The following KCND2 variants were observed in gnomAD, a reference collection of about 807,000 sequenced individuals.
The protein encoded by KCND2 is A-type voltage-gated potassium channel KCND2.
In KCND2, 16 loss-of-function variants were observed where a neutral mutation model predicts 54.4. The ratio of observed to expected loss-of-function variants is 0.29; its 90% confidence interval spans 0.20 to 0.45. The LOEUF (loss-of-function observed/expected upper bound fraction) is 0.45. KCND2 is among the 20% of genes least tolerant of loss of function. KCND2 has a pLI of 1.00. For synonymous variants in KCND2, 317 were observed against 310.7 expected (o/e 1.02, Z -0.21); for missense variants, 486 against 824.2 (o/e 0.59, Z 5.02).
chr7:120,377,897 C>G (rs1377173619), intron 1 of KCND2, among the ~76,000 whole-genome samples: 1 of 151,898 alleles, frequency 6.6e-6, no homozygotes, highest in Non-Finnish European at 1.5e-5. Context: ...CATCAGCCAG[C>G]TTATATGTCC....
chr7:120,707,116 G>A (rs1277762333), intron 1 of KCND2, among the ~76,000 whole-genome samples: 1 of 152,038 alleles, frequency 6.6e-6, no homozygotes, highest in Non-Finnish European at 1.5e-5. Context: ...ATGACTATCA[G>A]GAGAGAACTT....
chr7:120,400,062 T>C (rs1321161314), intron 1 of KCND2, among the ~76,000 whole-genome samples: 1 of 152,148 alleles, frequency 6.6e-6, no homozygotes, highest in African/African-American at 2.4e-5. Context: ...TCAGTGACAT[T>C]GTGTCCATGA....
chr7:120,709,666 T>A (rs1388789279), intron 1 of KCND2, among the ~76,000 whole-genome samples: 3 of 152,188 alleles, frequency 2.0e-5, no homozygotes, highest in Non-Finnish European at 4.4e-5. Context: ...TGTTCATGTT[T>A]CTTTGAATGC....
At chr7:120,745,444 T>C (rs1792993392) in intron 4 of KCND2, among the ~76,000 whole-genome samples, 1 of 152,094 alleles carries the variant, frequency 6.6e-6, no homozygotes, top group Non-Finnish European at 1.5e-5. Flanking sequence ...GTGGGTTTTA[T>C]CTATATGCAT....
intron 1 of KCND2, among the ~76,000 whole-genome samples, chr7:120,521,748 T>A (rs529743844): frequency 1.6e-4 from 25 of 152,300 alleles, no homozygotes; most frequent in African/African-American, 5.5e-4. Flanking sequence ...CCATCTATAA[T>A]ATATATGTGA....
chr7:120,534,171 G>C (rs1295737061), intron 1 of KCND2, among the ~76,000 whole-genome samples: 2 of 152,116 alleles, frequency 1.3e-5, no homozygotes, highest in Non-Finnish European at 2.9e-5. Flanking sequence ...AATCCCAAGA[G>C]TAGAGTCTGA....
In KCND2 at chr7:120,709,660, C is replaced by CA. The variant is rs371768098; in HGVS notation, c.1116-23242dup. Among the ~76,000 whole-genome samples the CA allele has an allele frequency of 9.5e-4, 145 of 152,224 alleles. 1 individual carries two copies. The highest frequency in any genetic ancestry group is 3.2e-3 in the African/African-American group (134 of 41,560). Reference sequence around the variant, plus strand: ...ATGTGTTAAGGGTACCTTGGTTGTTCATGTTTCTTTGAATGCCAGACCTTC... The same window carrying CA: ...ATGTGTTAAGGGTACCTTGGTTGTTCAATGTTTCTTTGAATGCCAGACCTTC... On this transcript the variant is annotated intron_variant, in intron 1 of 5. Coordinates refer to ENST00000331113, the MANE Select transcript of KCND2 (RefSeq NM_012281.3).
chr7:120,576,041 T>G (rs368822681), intron 1 of KCND2, among the ~76,000 whole-genome samples: 1 of 143,248 alleles, frequency 7.0e-6, no homozygotes, highest in Non-Finnish European at 1.5e-5. Flanking sequence ...CCATTGCTGG[T>G]TTTGAGTGTT....
intron 5 of KCND2, chr7:120,746,994 A>G (rs970812904): frequency 6.6e-6 from 1 of 152,298 alleles, no homozygotes; most frequent in Admixed American, 6.5e-5. Context: ...AGTGAAGTCG[A>G]CAATGGAAAA....
At chr7:120,386,653 A>C (rs1201315589) in intron 1 of KCND2, among the ~76,000 whole-genome samples, 5 of 152,150 alleles carry the variant, frequency 3.3e-5, no homozygotes, top group Admixed American at 3.3e-4. Context: ...TTAGTTTTTT[A>C]ACCTAATAAA....
chr7:120,371,416 G>T (rs1800763303), intron 1 of KCND2, among the ~76,000 whole-genome samples: 1 of 152,064 alleles, frequency 6.6e-6, no homozygotes, highest in Non-Finnish European at 1.5e-5. Flanking sequence ...GTATTTCTTG[G>T]ACTGGAAGAA....
At chr7:120,565,634 T>C (rs1365545497) in intron 1 of KCND2, among the ~76,000 whole-genome samples, 2 of 152,230 alleles carry the variant, frequency 1.3e-5, no homozygotes, top group African/African-American at 4.8e-5. Context: ...GTCCATTCTC[T>C]GGACACAGAG....
chr7:120,318,785 A>G (rs1230412625), intron 1 of KCND2, among the ~76,000 whole-genome samples: 1 of 152,084 alleles, frequency 6.6e-6, no homozygotes, highest in Non-Finnish European at 1.5e-5. Context: ...GAATACTAGC[A>G]TATCAGATTC....
At position 120,343,594 on chromosome 7, in the gene KCND2, G is replaced by C. The variant is rs137987007; in HGVS notation, c.1115+67847G>C. Among the ~76,000 whole-genome samples, 109 of 152,314 alleles carry C rather than the reference G, an allele frequency of 7.2e-4. 1 individual carries two copies. The highest frequency in any genetic ancestry group is 1.4e-3 in the Non-Finnish European group (94 of 68,020). On this transcript the variant is annotated intron_variant, in intron 1 of 5. Transcript: ENST00000331113. ...CCTCATATGCAGATAGCAAAGGTAA[G>C]TGGGACCAGACCAGGGTCTATCTTG...
chr7:120,691,395 T>G (rs1792267030), intron 1 of KCND2, among the ~76,000 whole-genome samples: 2 of 152,076 alleles, frequency 1.3e-5, no homozygotes, highest in Admixed American at 1.3e-4. Flanking sequence ...AAAGGAAATG[T>G]AGGGAAGAGA....
chr7:120,567,516 A>T (rs773472296), intron 1 of KCND2, among the ~76,000 whole-genome samples: 2 of 152,182 alleles, frequency 1.3e-5, no homozygotes, highest in Non-Finnish European at 2.9e-5. Context: ...TCAAAGGGCA[A>T]TGTGGTAAAG....
chr7:120,428,790 A>T (rs1383731196), intron 1 of KCND2, among the ~76,000 whole-genome samples: 1 of 152,166 alleles, frequency 6.6e-6, no homozygotes, highest in Non-Finnish European at 1.5e-5. Flanking sequence ...ATGGTTATAG[A>T]TTTTCAATCA....
At chr7:120,586,392 A>C (rs1792600967) in intron 1 of KCND2, among the ~76,000 whole-genome samples, 1 of 152,172 alleles carries the variant, frequency 6.6e-6, no homozygotes, top group African/African-American at 2.4e-5. Flanking sequence ...ATGACAAAAA[A>C]AAATTTAGTC....
At chr7:120,711,914 A>G (rs886375289) in intron 1 of KCND2, among the ~76,000 whole-genome samples, 1 of 152,194 alleles carries the variant, frequency 6.6e-6, no homozygotes, top group African/African-American at 2.4e-5. Flanking sequence ...CAAAATACAC[A>G]GGCTAAAGTG....
Sources: gnomAD v4.1 joint callset for allele counts (sites outside exome capture counted in the v4.1 genomes callset) on GRCh38, gnomAD v4.1.1 for gene constraint, MANE v1.5 for transcripts, NCBI Gene and HGNC (gene_info 2026-07-23, HGNC 2026-07-21) for gene names.